CALN1: variants seen among roughly 807,000 people sequenced by gnomAD.
CALN1 encodes the protein calneuron 1, also known as calcium-binding protein 8.
In CALN1, 17 loss-of-function variants were observed where a neutral mutation model predicts 30.6. The observed-to-expected ratio is 0.56, with a 90% CI of 0.38 to 0.83. The LOEUF is 0.83. Ranked by LOEUF, CALN1 falls within the 40% of genes least tolerant of loss-of-function variation. The probability of loss-of-function intolerance (pLI) is 0.00; values close to 1 mark genes in which losing one functional copy is unlikely to be tolerated. For missense variants in CALN1, 291 were observed against 354.9 expected (o/e 0.82, Z 1.45); for synonymous variants, 156 against 131.4 (o/e 1.19, Z -1.28).
At position 71,810,409 on chromosome 7, in the gene CALN1, A is replaced by C; in HGVS notation, c.585T>G (p.Ile195Met). ...CTTCCTCATTGATAATGATGTTCTC[A>C]ATGTCCTTCATCGTTAGGTGGTCTC... ...AFRDHLTMKD[I>M]ENIIINEEES... is the part of the protein sequence containing the mutation. The change falls in exon 6 of 7, where the codon ATT (isoleucine) becomes ATG (methionine). Residue 195 changes from isoleucine (I) to methionine (M), a missense_variant. Physicochemically the swap from Ile to Met is conservative, Grantham distance 10. Coordinates refer to ENST00000395275, the MANE Select transcript of CALN1 (RefSeq NM_031468.4). 6.2e-7 allele frequency: 1 copy of C among 1,614,120 alleles called. No homozygotes were observed. Among genetic ancestry groups the C allele is most frequent in the Non-Finnish European group, 8.5e-7 (1 of 1,180,012 alleles).
In CALN1 at chr7:72,138,888, G is replaced by A. The variant is rs559737610; in HGVS notation, c.245-32594C>T. Among the ~76,000 whole-genome samples, 258 of 140,898 alleles carry A rather than the reference G, an allele frequency of 1.8e-3. 2 individuals are homozygous for A. The highest frequency in any genetic ancestry group is 6.5e-3 in the African/African-American group (246 of 37,864). The allele number at this position is 140,898 out of a possible 152,430, so 92.4% of individuals were successfully genotyped here. On this transcript the variant is annotated intron_variant, in intron 3 of 6. Transcript: ENST00000395275. ...GAACACATTTTACCTCTGGAGTAAT[G>A]GGCCAGGACTGCCCACACATTCAAT...
At chr7:71,813,877 G>A (rs941417701) in intron 5 of CALN1, among the ~76,000 whole-genome samples, 4 of 149,088 alleles carry the variant, frequency 2.7e-5, no homozygotes, top group Non-Finnish European at 5.9e-5. Flanking sequence ...CTTGCAGTGA[G>A]CCGACATTGT....
chr7:71,818,771 G>A (rs1399457616), intron 5 of CALN1, among the ~76,000 whole-genome samples: 2 of 151,432 alleles, frequency 1.3e-5, no homozygotes, highest in Admixed American at 1.3e-4. Flanking sequence ...GTGCAGTGGT[G>A]CGGTCTCAGC....
At chr7:72,152,699 T>C (rs1787346560) in intron 3 of CALN1, among the ~76,000 whole-genome samples, 1 of 152,274 alleles carries the variant, frequency 6.6e-6, no homozygotes, top group Middle Eastern at 3.4e-3. Flanking sequence ...AATTCCCAGC[T>C]ACCAGCCGAG....
chr7:72,257,518 T>C (rs1285990405), intron 3 of CALN1, among the ~76,000 whole-genome samples: 1 of 152,180 alleles, frequency 6.6e-6, no homozygotes. Flanking sequence ...CTGGTGAGAA[T>C]GTAAACTAGT....
intron 5 of CALN1, among the ~76,000 whole-genome samples, chr7:71,978,476 G>A (rs1033587154): frequency 8.6e-5 from 13 of 151,726 alleles, no homozygotes; most frequent in Admixed American, 2.0e-4. Context: ...GGGTTTCACC[G>A]TGTTAGCCAG....
chr7:72,351,717 A>G (rs1802932824), intron 2 of CALN1, among the ~76,000 whole-genome samples: 1 of 152,232 alleles, frequency 6.6e-6, no homozygotes, highest in Admixed American at 6.5e-5. Context: ...GAGAATAAAT[A>G]CAATATTTGA....
intron 3 of CALN1, among the ~76,000 whole-genome samples, chr7:72,267,641 G>T (rs547925197): frequency 3.4e-4 from 52 of 152,228 alleles, no homozygotes; most frequent in Non-Finnish European, 6.5e-4. Flanking sequence ...AGGTCCAGCA[G>T]ATGCTGGTTA....
chr7:72,214,685 G>A (rs1792645951), intron 3 of CALN1, among the ~76,000 whole-genome samples: 1 of 151,914 alleles, frequency 6.6e-6, no homozygotes, highest in South Asian at 2.1e-4. Flanking sequence ...GACCTATTAG[G>A]AGCCGAGCCG....
chr7:72,025,516 T>C (rs79594379), intron 4 of CALN1, among the ~76,000 whole-genome samples: 2,813 of 152,272 alleles, frequency 0.018, 44 homozygotes, highest in Non-Finnish European at 0.031. Flanking sequence ...CGTTCTTTCT[T>C]TGTTCAATTC....
intron 5 of CALN1, among the ~76,000 whole-genome samples, chr7:71,962,417 A>G (rs752869297): frequency 6.6e-6 from 1 of 152,020 alleles, no homozygotes; most frequent in Non-Finnish European, 1.5e-5. Context: ...AAATTAATTA[A>G]TGTGAGCAGA....
chr7:71,826,073 AAAAAACCC>A (rs1788899966), intron 5 of CALN1, among the ~76,000 whole-genome samples: 2 of 151,342 alleles, frequency 1.3e-5, no homozygotes, highest in Non-Finnish European at 2.9e-5. Context: ...AGAAAACAAC[AAAAAACCC>A]AAAACAGTAG....
At chr7:72,229,814 G>A (rs937445413) in intron 3 of CALN1, among the ~76,000 whole-genome samples, 1 of 151,858 alleles carries the variant, frequency 6.6e-6, no homozygotes, top group Non-Finnish European at 1.5e-5. Flanking sequence ...GAGAGCATTA[G>A]GACAAATACA....
chr7:72,328,727 G>A (rs184747676), intron 2 of CALN1, among the ~76,000 whole-genome samples: 7 of 152,242 alleles, frequency 4.6e-5, no homozygotes, highest in Admixed American at 1.3e-4. Context: ...ACAGAGTCTC[G>A]CTCTGTTGCC....
chr7:72,354,884 A>T (rs1400355339), intron 2 of CALN1, among the ~76,000 whole-genome samples: 2 of 150,446 alleles, frequency 1.3e-5, no homozygotes, highest in Non-Finnish European at 3.0e-5. Context: ...AGTAAGCAAA[A>T]ATTTCTTTTT....
chr7:72,314,846 A>C (rs534381058), intron 2 of CALN1, among the ~76,000 whole-genome samples: 1,684 of 151,628 alleles, frequency 0.011, 41 homozygotes, highest in African/African-American at 0.038. Flanking sequence ...GTTAAAAAAA[A>C]AAAAACAAAA....
At chr7:72,400,254 T>C (rs1319934502) in intron 2 of CALN1, among the ~76,000 whole-genome samples, 12 of 152,154 alleles carry the variant, frequency 7.9e-5, no homozygotes, top group Admixed American at 7.9e-4. Flanking sequence ...CCTCTTCTCT[T>C]GGGCACTACT....
chr7:72,483,508 T>C, the CALN1 span, among the ~76,000 whole-genome samples: 48,541 of 151,770 alleles, frequency 0.32, 8,092 homozygotes, highest in African/African-American at 0.4. Context: ...TGGTCTTGAA[T>C]TCCTGACCTC....
chr7:71,817,360 T>C lies in CALN1; in HGVS notation c.502-6868A>G, dbSNP rs188690980. On this transcript the variant is annotated intron_variant, in intron 5 of 6. Coordinates refer to ENST00000395275, the MANE Select transcript of CALN1 (RefSeq NM_031468.4). Reference sequence around the variant, plus strand: ...TGTACTTTTATTGGTTTCTCTCTTCTAGTTGATTTTCGTCACCTTTTTCTG... The same window carrying C: ...TGTACTTTTATTGGTTTCTCTCTTCCAGTTGATTTTCGTCACCTTTTTCTG... Among the ~76,000 whole-genome samples the C allele has an allele frequency of 2.2e-4, 33 of 152,344 alleles. 1 individual carries two copies. Among genetic ancestry groups the C allele is most frequent in the South Asian group, 6.2e-4 (3 of 4,828 alleles).
Sources: gnomAD v4.1 joint callset for allele counts (sites outside exome capture counted in the v4.1 genomes callset) on GRCh38, gnomAD v4.1.1 for gene constraint, MANE v1.5 for transcripts, NCBI Gene and HGNC (gene_info 2026-07-23, HGNC 2026-07-21) for gene names.